The following NCKAP5 variants were observed in gnomAD, a reference collection of about 807,000 sequenced individuals.
The protein encoded by NCKAP5 is NCK associated protein 5, also known as nck-associated protein 5.
In NCKAP5, 92 loss-of-function variants were observed where a neutral mutation model predicts 167.0. That is an observed-to-expected ratio of 0.55 (90% CI 0.47 to 0.66). The LOEUF is 0.66. NCKAP5 is among the 30% of genes least tolerant of loss of function. NCKAP5 has a pLI of 0.00. For missense variants in NCKAP5, 2,378 were observed against 2,315.0 expected, an observed-to-expected ratio of 1.03 and a Z score of -0.56; for synonymous variants, 891 against 877.4, an observed-to-expected ratio of 1.02 and a Z score of -0.27.
chr2:133,547,423 C>A (rs1158056874), intron 2 of NCKAP5, among the ~76,000 whole-genome samples: 10 of 152,164 alleles, frequency 6.6e-5, no homozygotes, highest in African/African-American at 2.2e-4. Flanking sequence ...CCTCTGGGGG[C>A]AGGGCACAGA....
chr2:133,133,550 CTCT>C (rs1359181741), intron 5 of NCKAP5, among the ~76,000 whole-genome samples: 1 of 152,190 alleles, frequency 6.6e-6, no homozygotes, highest in Admixed American at 6.5e-5. Context: ...CAGTCACAGG[CTCT>C]TCTTTCCCTT....
rs867226051 is a variant in NCKAP5 at position 133,367,301 on chromosome 2, T to G, written c.70-64191A>C. 7.2e-5 allele frequency among the ~76,000 whole-genome samples: 11 copies of G among 152,272 alleles called. 1 individual carries two copies. The highest frequency in any genetic ancestry group is 2.6e-4 in the African/African-American group (11 of 41,578). ...CACAAAGCCACAGCGGAGGTGACCT[T>G]GGGGTGGGGTGAGGCAGGACCCAGC... On this transcript the variant is annotated intron_variant, in intron 3 of 19. Coordinates refer to ENST00000409261, the MANE Select transcript of NCKAP5 (RefSeq NM_207363.3).
At chr2:133,660,667 C>T in the NCKAP5 span, among the ~76,000 whole-genome samples, 3 of 152,002 alleles carry the variant, frequency 2.0e-5, no homozygotes, top group Non-Finnish European at 2.9e-5. Context: ...CCTCCAAAGA[C>T]GTATTAGAAC....
intron 8 of NCKAP5, among the ~76,000 whole-genome samples, chr2:132,926,965 G>A (rs1419141010): frequency 6.6e-6 from 1 of 152,120 alleles, no homozygotes; most frequent in African/African-American, 2.4e-5. Context: ...GTTCAAAAGA[G>A]GTTTCCCTAG....
chr2:132,864,469 A>G (rs1690183086), intron 10 of NCKAP5, among the ~76,000 whole-genome samples: 1 of 152,174 alleles, frequency 6.6e-6, no homozygotes, highest in South Asian at 2.1e-4. Context: ...CAGCTGAGCA[A>G]TGTGATACAC....
At chr2:133,154,366 C>A (rs569464031) in intron 5 of NCKAP5, among the ~76,000 whole-genome samples, 1 of 152,272 alleles carries the variant, frequency 6.6e-6, no homozygotes, top group East Asian at 1.9e-4. Context: ...CTTAAAGCCA[C>A]CTCTGGTGAA....
At chr2:133,458,502 C>T (rs993771372) in intron 3 of NCKAP5, among the ~76,000 whole-genome samples, 3 of 152,102 alleles carry the variant, frequency 2.0e-5, no homozygotes, top group Non-Finnish European at 2.9e-5. Flanking sequence ...CCAACCAAAA[C>T]GATGAAATAT....
chr2:133,149,852 T>C (rs550057678), intron 5 of NCKAP5, among the ~76,000 whole-genome samples: 26 of 152,286 alleles, frequency 1.7e-4, no homozygotes, highest in African/African-American at 6.3e-4. Context: ...GTCTCTGTTG[T>C]TCAAAGTATA....
intron 5 of NCKAP5, among the ~76,000 whole-genome samples, chr2:133,149,546 A>G (rs1198813180): frequency 6.6e-6 from 1 of 151,050 alleles, no homozygotes; most frequent in Non-Finnish European, 1.5e-5. Flanking sequence ...ATCTTGGACC[A>G]ATTAATGACT....
intron 3 of NCKAP5, among the ~76,000 whole-genome samples, chr2:133,356,057 G>T (rs1025949447): frequency 6.6e-6 from 1 of 152,056 alleles, no homozygotes; most frequent in African/African-American, 2.4e-5. Flanking sequence ...CTCCGGAGTA[G>T]CTGGGATTAC....
At chr2:133,642,980 C>T in the NCKAP5 span, among the ~76,000 whole-genome samples, 1 of 151,846 alleles carries the variant, frequency 6.6e-6, no homozygotes, top group South Asian at 2.1e-4. Flanking sequence ...TGCAATAGTG[C>T]AGACCATAGC....
At chr2:133,511,408 C>T (rs1683482636) in intron 3 of NCKAP5, among the ~76,000 whole-genome samples, 1 of 152,176 alleles carries the variant, frequency 6.6e-6, no homozygotes, top group Non-Finnish European at 1.5e-5. Flanking sequence ...GTGGGCAGGG[C>T]ACCTCTCCTG....
At chr2:132,751,245 T>C (rs1044352214) in intron 16 of NCKAP5, among the ~76,000 whole-genome samples, 5 of 152,006 alleles carry the variant, frequency 3.3e-5, no homozygotes, top group African/African-American at 1.2e-4. Flanking sequence ...CAAAAGCTGG[T>C]TGTTAAAAAG....
rs1447548 is a variant in NCKAP5 at position 132,860,759 on chromosome 2, G to A, written c.688-148C>T. On this transcript the variant is annotated intron_variant, in intron 10 of 19. Transcript: ENST00000409261. ...CCAGAAGTAAATCACATACGTTTTC[G>A]TCCACAGACCATTGTCTGATAGAAT... The A allele has an allele frequency of 1.8e-4, 189 of 1,070,778 alleles. No individual in the cohort carries two copies. The South Asian group carries it at 2.1e-3, about 12-fold the overall frequency. 66.3% of individuals were successfully genotyped at this position (1,070,778 alleles called of 1,614,324 possible). A position where few individuals can be genotyped will look rare whatever the true frequency, so the allele number is the denominator to read the frequency against.
chr2:133,390,637 G>A (rs1687334337), intron 3 of NCKAP5, among the ~76,000 whole-genome samples: 1 of 152,080 alleles, frequency 6.6e-6, no homozygotes, highest in African/African-American at 2.4e-5. Context: ...CTTTTCATCA[G>A]CCTCTAATTT....
At chr2:133,633,625 A>C in the NCKAP5 span, among the ~76,000 whole-genome samples, 1 of 152,252 alleles carries the variant, frequency 6.6e-6, no homozygotes, top group Non-Finnish European at 1.5e-5. Flanking sequence ...AACAGTTTGC[A>C]TCTAATAAGC....
chr2:133,656,916 C>T, the NCKAP5 span, among the ~76,000 whole-genome samples: 3 of 152,060 alleles, frequency 2.0e-5, no homozygotes, highest in South Asian at 2.1e-4. Flanking sequence ...TTTTAATCCC[C>T]GTCCCCCTCC....
chr2:133,651,275 T>C, the NCKAP5 span, among the ~76,000 whole-genome samples: 5 of 152,186 alleles, frequency 3.3e-5, no homozygotes, highest in African/African-American at 1.2e-4. Context: ...CTCCAAGATA[T>C]GTGAGGGACT....
At chr2:132,871,422 A>G (rs1441913257) in intron 9 of NCKAP5, among the ~76,000 whole-genome samples, 1 of 152,220 alleles carries the variant, frequency 6.6e-6, no homozygotes, top group Non-Finnish European at 1.5e-5. Context: ...CTTCTTTTGG[A>G]TCTCAAACTT....
Sources: gnomAD v4.1 joint callset for allele counts (sites outside exome capture counted in the v4.1 genomes callset) on GRCh38, gnomAD v4.1.1 for gene constraint, MANE v1.5 for transcripts, NCBI Gene and HGNC (gene_info 2026-07-23, HGNC 2026-07-21) for gene names.